Variants in GIPC2 observed in about 807,000 individuals in gnomAD.
GIPC2 encodes PDZ domain-containing protein GIPC2.
Under a neutral mutation model 30.6 loss-of-function variants are expected in GIPC2, and 30 were observed. The ratio of observed to expected loss-of-function variants is 0.98; its 90% CI spans 0.73 to 1.33. The LOEUF is 1.33. Among genes scored for constraint, GIPC2 ranks in the 40% most tolerant of loss-of-function variants. The probability of loss-of-function intolerance (pLI) is 0.00; values close to 1 mark genes in which losing one functional copy is unlikely to be tolerated. For missense variants in GIPC2, 414 were observed against 390.3 expected (o/e 1.06, Z -0.51); for synonymous variants, 167 against 150.0 (o/e 1.11, Z -0.83).
At chr1:78,106,515 G>C (rs772867068) in intron 3 of GIPC2, among the ~76,000 whole-genome samples, 3 of 151,934 alleles carry the variant, frequency 2.0e-5, no homozygotes, top group African/African-American at 7.3e-5. Flanking sequence ...AGCAGAGATC[G>C]CACCACTGCA....
chr1:78,053,617 T>C (rs912488966), intron 1 of GIPC2, among the ~76,000 whole-genome samples: 2 of 151,968 alleles, frequency 1.3e-5, no homozygotes, highest in African/African-American at 4.8e-5. Context: ...ACTCATCCTC[T>C]TTTAGTATTT....
intron 2 of GIPC2, among the ~76,000 whole-genome samples, chr1:78,091,249 A>G (rs1201939583): frequency 6.6e-6 from 1 of 152,258 alleles, no homozygotes; most frequent in African/African-American, 2.4e-5. Context: ...AGACTAAATG[A>G]GATAACTATT....
In GIPC2 at chr1:78,050,561, CATCTA is replaced by C. The variant is rs533606018; in HGVS notation, c.240+4229_240+4233del. ...GAAAAAAAACCCTGTAAATTAATCTCATCTAAAGAACAATTAACTCCTACATAAAT... is the reference window on the plus strand; with the variant it reads ...GAAAAAAAACCCTGTAAATTAATCTCAAGAACAATTAACTCCTACATAAAT... On this transcript the variant is annotated intron_variant, in intron 1 of 5. Transcript: ENST00000370759. 1.3e-4 allele frequency among the ~76,000 whole-genome samples: 20 copies of C among 151,734 alleles called. 1 individual carries two copies. In the East Asian group the frequency reaches 3.5e-3, roughly 26 times the overall value.
intron 1 of GIPC2, among the ~76,000 whole-genome samples, chr1:78,060,125 A>G (rs1194004799): frequency 1.3e-5 from 2 of 152,140 alleles, no homozygotes; most frequent in African/African-American, 2.4e-5. Context: ...GGTAAAGGAT[A>G]TAGGTGGGCT....
intron 2 of GIPC2, among the ~76,000 whole-genome samples, chr1:78,093,229 T>C (rs1662073298): frequency 1.3e-5 from 2 of 152,370 alleles, no homozygotes; most frequent in South Asian, 4.1e-4. Flanking sequence ...TTTTTTCTTC[T>C]TTAGACTCTA....
intron 3 of GIPC2, among the ~76,000 whole-genome samples, chr1:78,100,927 C>CA (rs111747897): frequency 0.36 from 34,972 of 98,008 alleles, 8,341 homozygotes; most frequent in Non-Finnish European, 0.46. Flanking sequence ...GAGACCCTGT[C>CA]AAAAAAAAAA....
chr1:78,114,983 A>G (rs1048493543), intron 3 of GIPC2, among the ~76,000 whole-genome samples: 2 of 152,146 alleles, frequency 1.3e-5, no homozygotes, highest in African/African-American at 4.8e-5. Context: ...AGATTTATTA[A>G]TGAAAAGTCT....
In GIPC2 at chr1:78,094,988, A is replaced by T; in HGVS notation, c.463A>T (p.Thr155Ser). 6.2e-7 allele frequency: 1 copy of T among 1,605,630 alleles called. No homozygotes were observed. Among genetic ancestry groups the T allele is most frequent in the Non-Finnish European group, 8.5e-7 (1 of 1,172,372 alleles). Residue 155 changes from threonine to serine, a missense_variant, in exon 3 of 6, where the codon ACA (threonine) becomes TCA (serine). By Grantham distance (58) the Thr-to-Ser change is moderately conservative. Coordinates refer to ENST00000370759, the MANE Select transcript of GIPC2 (RefSeq NM_017655.6). ...KDGGVIDSVKTICVGDHIESI... is the reference protein window; with the variant it reads ...KDGGVIDSVKSICVGDHIESI... ...TGGTGGTGTTATTGACTCAGTTAAAACAATCTGTGTTGGGGATCATATTGA... is the reference window on the plus strand; with the variant it reads ...TGGTGGTGTTATTGACTCAGTTAAATCAATCTGTGTTGGGGATCATATTGA...
Position 78,079,050 on chromosome 1 carries a change from C to T in GIPC2, c.241-1625C>T, listed in dbSNP as rs150644681. Among the ~76,000 whole-genome samples, 31 of 152,206 alleles carry T rather than the reference C, an allele frequency of 2.0e-4. 1 individual carries two copies. The East Asian group carries it at 5.4e-3, about 27-fold the overall frequency. On this transcript the variant is annotated intron_variant, in intron 1 of 5. Coordinates refer to ENST00000370759, the MANE Select transcript of GIPC2 (RefSeq NM_017655.6). ...AAATATGCACCATTCTTGACTTAACCGATTTTTTTCCCCCTGAGAACAATA... is the reference window on the plus strand; with the variant it reads ...AAATATGCACCATTCTTGACTTAACTGATTTTTTTCCCCCTGAGAACAATA...
At chr1:78,078,203 A>C (rs997064401) in intron 1 of GIPC2, among the ~76,000 whole-genome samples, 1 of 151,388 alleles carries the variant, frequency 6.6e-6, no homozygotes, top group African/African-American at 2.4e-5. Context: ...AAAAAAAAAA[A>C]AAAAAAACCT....
chr1:78,083,192 T>TTAGA (rs1352653214), intron 2 of GIPC2, among the ~76,000 whole-genome samples: 1 of 152,178 alleles, frequency 6.6e-6, no homozygotes, highest in Non-Finnish European at 1.5e-5. Flanking sequence ...TTAGTCTTCT[T>TTAGA]TATAATCTAG....
intron 2 of GIPC2, among the ~76,000 whole-genome samples, chr1:78,086,452 TG>T (rs1331996278): frequency 6.6e-6 from 1 of 152,120 alleles, no homozygotes; most frequent in African/African-American, 2.4e-5. Context: ...TTTGGTCCAA[TG>T]TTGAGTTCAG....
chr1:78,126,056 TAAC>T (rs139844601), intron 5 of GIPC2, 94 bp downstream of exon 5: 141,025 of 616,516 alleles, frequency 0.23, 19,228 homozygotes, highest in East Asian at 0.61. Context: ...CTTTTGAAGA[TAAC>T]AATATTTGTG....
chr1:78,121,601 G>C (rs1258690644), intron 4 of GIPC2, among the ~76,000 whole-genome samples: 1 of 152,134 alleles, frequency 6.6e-6, no homozygotes, highest in African/African-American at 2.4e-5. Context: ...GGAAGATCCT[G>C]AGTCAAATGC....
intron 3 of GIPC2, among the ~76,000 whole-genome samples, chr1:78,101,934 T>A (rs781536489): frequency 1.7e-4 from 26 of 152,298 alleles, no homozygotes; most frequent in Admixed American, 7.2e-4. Context: ...TCCTATAAGG[T>A]CTTTTAAATG....
At chr1:78,122,529 T>C (rs1411137708) in intron 4 of GIPC2, among the ~76,000 whole-genome samples, 2 of 152,198 alleles carry the variant, frequency 1.3e-5, no homozygotes, top group Non-Finnish European at 2.9e-5. Context: ...ACGTCTTACA[T>C]GGTGGCAGGA....
At chr1:78,102,314 G>A (rs1241859972) in intron 3 of GIPC2, among the ~76,000 whole-genome samples, 1 of 152,152 alleles carries the variant, frequency 6.6e-6, no homozygotes, top group Non-Finnish European at 1.5e-5. Flanking sequence ...CCTCATCTTC[G>A]TGATTCAGCT....
At chr1:78,086,246 C>T (rs113920638) in intron 2 of GIPC2, among the ~76,000 whole-genome samples, 3,920 of 152,046 alleles carry the variant, frequency 0.026, 47 homozygotes, top group Middle Eastern at 0.072. Flanking sequence ...TAGCAATTTT[C>T]TTGACTTCTA....
At chr1:78,065,757 T>C (rs1037460087) in intron 1 of GIPC2, among the ~76,000 whole-genome samples, 5 of 152,142 alleles carry the variant, frequency 3.3e-5, no homozygotes, top group Admixed American at 1.3e-4. Flanking sequence ...TGCCTACAAT[T>C]ATCTGGTCCT....
Sources: allele counts gnomAD v4.1 joint callset (sites outside exome capture counted in the v4.1 genomes callset), GRCh38; gene constraint gnomAD v4.1.1; transcripts MANE v1.5; gene names NCBI Gene and HGNC (gene_info 2026-07-23, HGNC 2026-07-21).